Variants in PDE8B observed in about 807,000 individuals in gnomAD.
The protein encoded by PDE8B is high affinity cAMP-specific and IBMX-insensitive 3',5'-cyclic phosphodiesterase 8B.
In PDE8B, 26 loss-of-function variants were observed where a neutral mutation model predicts 101.3. The ratio of observed to expected loss-of-function variants is 0.26; its 90% CI spans 0.19 to 0.36. The LOEUF is 0.36. Among genes scored for constraint, PDE8B ranks in the 10% least tolerant of loss-of-function variants. The pLI, the probability that PDE8B is intolerant of heterozygous loss-of-function variation, is 1.00. For missense variants in PDE8B, 810 were observed against 1,163.1 expected (o/e 0.70, Z 4.42); for synonymous variants, 424 against 429.3 (o/e 0.99, Z 0.15).
chr5:77,256,898 T>C (rs1341999231), intron 1 of PDE8B, among the ~76,000 whole-genome samples: 1 of 152,220 alleles, frequency 6.6e-6, no homozygotes, highest in Non-Finnish European at 1.5e-5. Context: ...CTTGATTATT[T>C]TGTTTAACTG....
At chr5:77,289,301 T>A (rs570897643) in intron 1 of PDE8B, among the ~76,000 whole-genome samples, 56 of 152,350 alleles carry the variant, frequency 3.7e-4, no homozygotes, top group African/African-American at 1.3e-3. Context: ...CAGAATTGCT[T>A]GTAAAGGCTT....
the PDE8B span, chr5:77,086,760 T>C: frequency 1.3e-5 from 2 of 152,196 alleles, no homozygotes; most frequent in Non-Finnish European, 2.9e-5. Context: ...CTGCAGGGCG[T>C]CCAGTCACTT....
chr5:77,165,170 C>T, the PDE8B span, among the ~76,000 whole-genome samples: 1 of 152,256 alleles, frequency 6.6e-6, no homozygotes, highest in Non-Finnish European at 1.5e-5. Context: ...ATACAAATCT[C>T]AGAGACAAAT....
At chr5:77,110,198 C>T in the PDE8B span, among the ~76,000 whole-genome samples, 1 of 151,970 alleles carries the variant, frequency 6.6e-6, no homozygotes, top group Non-Finnish European at 1.5e-5. Context: ...TCTGCCTCCC[C>T]AAATTGCTGG....
At chr5:77,199,936 C>T in the PDE8B span, among the ~76,000 whole-genome samples, 1 of 151,970 alleles carries the variant, frequency 6.6e-6, no homozygotes, top group East Asian at 1.9e-4. Context: ...CTCCCCCTGC[C>T]CTGTCCTCCA....
intron 2 of PDE8B, among the ~76,000 whole-genome samples, chr5:77,313,697 A>G (rs1773179679): frequency 6.6e-6 from 1 of 152,198 alleles, no homozygotes; most frequent in African/African-American, 2.4e-5. Flanking sequence ...ACCAACACCC[A>G]CTTCTATCAA....
intron 1 of PDE8B, among the ~76,000 whole-genome samples, chr5:77,279,567 CT>C (rs1037734766): frequency 6.6e-6 from 1 of 152,212 alleles, no homozygotes; most frequent in Non-Finnish European, 1.5e-5. Context: ...AGGTTATATG[CT>C]GTGTGTCACG....
chr5:77,331,565 A>C (rs932343352), intron 5 of PDE8B, 106 bp downstream of exon 5: 1 of 903,478 alleles, frequency 1.1e-6, no homozygotes, highest in African/African-American at 1.6e-5. Flanking sequence ...AAGGAAATTA[A>C]GCCCCAGGAC....
chr5:77,327,808 A>G (rs1776317870), intron 3 of PDE8B, among the ~76,000 whole-genome samples: 1 of 152,110 alleles, frequency 6.6e-6, no homozygotes, highest in African/African-American at 2.4e-5. Flanking sequence ...TTCAAATACC[A>G]TTTATCAACA....
At position 77,344,861 on chromosome 5, in the gene PDE8B, A is replaced by G. The variant is rs1290040298; in HGVS notation, c.806A>G (p.Asn269Ser). 6.2e-7 allele frequency: 1 copy of G among 1,602,072 alleles called. No homozygotes were observed. Among genetic ancestry groups the G allele is most frequent in the Non-Finnish European group, 8.6e-7 (1 of 1,168,938 alleles). Residue 269 changes from asparagine (N) to serine (S), a missense_variant, in exon 7 of 22, where the codon AAT becomes AGT. This residue lies in a region of PDE8B where 251 missense variants were observed against 378.8 expected (regional missense o/e 0.66). Transcript: ENST00000264917. ...TCTTTTATAACTTTCAGGGCCTGTA[A>G]TTCAGTGTTTACAGCATTAGATCAC... ...VRSQFKLRAC[N>S]SVFTALDHCH...
At chr5:77,109,598 T>A in the PDE8B span, among the ~76,000 whole-genome samples, 1 of 152,168 alleles carries the variant, frequency 6.6e-6, no homozygotes, top group African/African-American at 2.4e-5. Flanking sequence ...ACCTGGGAAT[T>A]TTCGGTGTGC....
chr5:77,320,933 TTTG>T (rs1774905992), intron 2 of PDE8B, among the ~76,000 whole-genome samples: 1 of 152,148 alleles, frequency 6.6e-6, no homozygotes, highest in African/African-American at 2.4e-5. Flanking sequence ...TAAGTTTTGT[TTTG>T]TTTTTATTTT....
chr5:77,275,453 C>A (rs992955907), intron 1 of PDE8B, among the ~76,000 whole-genome samples: 2 of 152,054 alleles, frequency 1.3e-5, no homozygotes, highest in African/African-American at 4.8e-5. Flanking sequence ...TTATTTTTGT[C>A]TTTTAAGAGA....
the PDE8B span, chr5:77,152,053 A>C: frequency 2.0e-5 from 3 of 152,170 alleles, no homozygotes; most frequent in East Asian, 3.9e-4. Context: ...AAGCTTCTGA[A>C]TGTGTGAACC....
chr5:77,324,016 C>G (rs1050672134), intron 2 of PDE8B, among the ~76,000 whole-genome samples: 1 of 152,094 alleles, frequency 6.6e-6, no homozygotes, highest in East Asian at 1.9e-4. Context: ...AATGATTGGA[C>G]AATTTGGCTT....
At chr5:77,335,564 T>A (rs62364313) in intron 5 of PDE8B, among the ~76,000 whole-genome samples, 32,600 of 99,622 alleles carry the variant, frequency 0.33, 4,442 homozygotes, top group East Asian at 0.54. Context: ...TGTGTGTGTG[T>A]GAGAGAGAGA....
chr5:77,331,293 C>T (rs1777072915), intron 4 of PDE8B, 109 bp from the exon 5 acceptor site: 1 of 967,178 alleles, frequency 1.0e-6, no homozygotes, highest in East Asian at 2.4e-5. Flanking sequence ...CGTCAGGAAG[C>T]CACTCTTGGA....
In PDE8B at chr5:77,419,730, G is replaced by T. The variant is rs754482676; in HGVS notation, c.2130-37G>T. 6 of 1,611,798 alleles carry T rather than the reference G, an allele frequency of 3.7e-6. No homozygotes were observed. The South Asian group carries it at 5.5e-5, about 15-fold the overall frequency. ...GCAGAATAGTTATAATTTGAGACAC[G>T]CTGTGAACAAGCCCCTTTGTCTTGT... is the stretch of plus-strand genomic sequence containing the variant. On this transcript the variant is annotated intron_variant, in intron 18 of 21. Coordinates refer to ENST00000264917, the MANE Select transcript of PDE8B (RefSeq NM_003719.5).
intron 1 of PDE8B, among the ~76,000 whole-genome samples, chr5:77,243,233 A>G (rs2149559553): frequency 6.6e-6 from 1 of 152,302 alleles, no homozygotes; most frequent in East Asian, 1.9e-4. Context: ...TCCATAGATA[A>G]AAATGTAATA....
Sources: allele counts gnomAD v4.1 joint callset (sites outside exome capture counted in the v4.1 genomes callset), GRCh38; gene constraint gnomAD v4.1.1; regional missense constraint gnomAD v4.1.1; transcripts MANE v1.5; gene names NCBI Gene and HGNC (gene_info 2026-07-23, HGNC 2026-07-21).